Variants in KCND2 observed in about 807,000 individuals in gnomAD.
KCND2 encodes the protein A-type voltage-gated potassium channel KCND2.
KCND2 carries 16 observed loss-of-function variants against 54.4 expected under a neutral mutation model. The ratio of observed to expected loss-of-function variants is 0.29; its 90% CI spans 0.20 to 0.45. The LOEUF (loss-of-function observed/expected upper bound fraction) is 0.45, where lower values mean the gene tolerates loss of function less well. Ranked by LOEUF, KCND2 falls within the 20% of genes least tolerant of loss-of-function variation. KCND2 has a pLI of 1.00. For synonymous variants in KCND2, 317 were observed against 310.7 expected, an observed-to-expected ratio of 1.02 and a Z score of -0.21; for missense variants, 486 against 824.2, an observed-to-expected ratio of 0.59 and a Z score of 5.02.
chr7:120,480,441 A>G (rs1395398837), intron 1 of KCND2, among the ~76,000 whole-genome samples: 3 of 152,208 alleles, frequency 2.0e-5, no homozygotes, highest in Non-Finnish European at 2.9e-5. Context: ...GATTTTTGAC[A>G]ATAGAGATCA....
chr7:120,625,459 T>C (rs1793153153), intron 1 of KCND2, among the ~76,000 whole-genome samples: 1 of 152,218 alleles, frequency 6.6e-6, no homozygotes, highest in Non-Finnish European at 1.5e-5. Flanking sequence ...GTTTCATACA[T>C]ATGTTGCGGT....
intron 1 of KCND2, among the ~76,000 whole-genome samples, chr7:120,342,216 A>T (rs979682538): frequency 1.3e-5 from 2 of 152,198 alleles, no homozygotes; most frequent in African/African-American, 4.8e-5. Flanking sequence ...TCTGCCATTT[A>T]TGAATTGAGT....
intron 1 of KCND2, among the ~76,000 whole-genome samples, chr7:120,351,362 GCATACACA>G (rs1563018521): frequency 2.4e-5 from 2 of 84,608 alleles, no homozygotes; most frequent in Non-Finnish European, 4.2e-5. Flanking sequence ...AAATCGAAGA[GCATACACA>G]CACACACACA....
intron 1 of KCND2, among the ~76,000 whole-genome samples, chr7:120,491,716 T>G (rs899824990): frequency 6.6e-6 from 1 of 152,150 alleles, no homozygotes. Context: ...GTCCAATTTC[T>G]TCATTTTTAT....
At chr7:120,387,466 G>A (rs1801007507) in intron 1 of KCND2, among the ~76,000 whole-genome samples, 5 of 151,828 alleles carry the variant, frequency 3.3e-5, no homozygotes. Flanking sequence ...TATATTTATT[G>A]CCTATATGTC....
At chr7:120,287,536 T>A (rs1799364137) in intron 1 of KCND2, among the ~76,000 whole-genome samples, 2 of 152,050 alleles carry the variant, frequency 1.3e-5, no homozygotes, top group African/African-American at 4.8e-5. Context: ...TATTTTGACT[T>A]CAGCTGGAAG....
At chr7:120,422,738 C>T (rs1348373936) in intron 1 of KCND2, among the ~76,000 whole-genome samples, 2 of 152,170 alleles carry the variant, frequency 1.3e-5, no homozygotes, top group Admixed American at 6.5e-5. Context: ...GTGGTTATTC[C>T]ACTGTCTGTG....
At chr7:120,290,969 A>G (rs891151024) in intron 1 of KCND2, among the ~76,000 whole-genome samples, 18 of 152,106 alleles carry the variant, frequency 1.2e-4, no homozygotes, top group Middle Eastern at 6.8e-3. Context: ...AAGTAGATTT[A>G]TTTGGCACTC....
chr7:120,529,979 G>A (rs1250860583), intron 1 of KCND2, among the ~76,000 whole-genome samples: 1 of 151,984 alleles, frequency 6.6e-6, no homozygotes, highest in Admixed American at 6.6e-5. Flanking sequence ...AGTGTGAGGT[G>A]AGAGAATCGC....
At chr7:120,673,817 G>A (rs1792023824) in intron 1 of KCND2, among the ~76,000 whole-genome samples, 1 of 151,990 alleles carries the variant, frequency 6.6e-6, no homozygotes, top group South Asian at 2.1e-4. Flanking sequence ...TATAGTCCAG[G>A]CATCCTGAAT....
In KCND2 at chr7:120,614,037, G is replaced by A. The variant is rs550168718; in HGVS notation, c.1116-118866G>A. Among the ~76,000 whole-genome samples the A allele has an allele frequency of 4.9e-3, 733 of 149,258 alleles. 8 individuals carry two copies. The highest frequency in any genetic ancestry group is 0.017 in the African/African-American group (693 of 40,504). On this transcript the variant is annotated intron_variant, in intron 1 of 5. Transcript: ENST00000331113. The stretch of plus-strand genomic sequence containing the variant: ...TTGGATTTTTTTTTTTTTTTTGATG[G>A]AGTTTTGCTCTGTCTTCCAGGCTAG...
intron 1 of KCND2, among the ~76,000 whole-genome samples, chr7:120,596,159 A>G (rs1466113894): frequency 6.6e-6 from 1 of 152,148 alleles, no homozygotes; most frequent in African/African-American, 2.4e-5. Flanking sequence ...GTATTTCTCA[A>G]AAATGTAGGT....
At chr7:120,413,008 C>G (rs1020580414) in intron 1 of KCND2, among the ~76,000 whole-genome samples, 10 of 152,016 alleles carry the variant, frequency 6.6e-5, no homozygotes, top group African/African-American at 2.2e-4. Context: ...TTGTTGAAAT[C>G]TTAACTAATG....
chr7:120,401,084 T>C (rs180717821), intron 1 of KCND2, among the ~76,000 whole-genome samples: 2 of 152,188 alleles, frequency 1.3e-5, no homozygotes, highest in African/African-American at 2.4e-5. Context: ...TTTGGTAATA[T>C]GGACAGATTA....
chr7:120,476,674 CT>C (rs897183581), intron 1 of KCND2, among the ~76,000 whole-genome samples: 2 of 152,020 alleles, frequency 1.3e-5, no homozygotes, highest in African/African-American at 4.8e-5. Flanking sequence ...GCAAATATTG[CT>C]TTTATCCATA....
chr7:120,733,175 C>T (rs1055078324), intron 2 of KCND2, 110 bp downstream of exon 2: 1 of 1,025,654 alleles, frequency 9.7e-7, no homozygotes, highest in Non-Finnish European at 1.5e-6. Flanking sequence ...GTAGTTGCAT[C>T]AATCAGGACC....
intron 1 of KCND2, among the ~76,000 whole-genome samples, chr7:120,606,111 C>G (rs950401560): frequency 5.3e-5 from 8 of 152,172 alleles, no homozygotes; most frequent in African/African-American, 1.9e-4. Context: ...TCCACCATGA[C>G]TTTGAGGCCT....
At chr7:120,690,599 A>G (rs770889554) in intron 1 of KCND2, among the ~76,000 whole-genome samples, 2 of 152,200 alleles carry the variant, frequency 1.3e-5, no homozygotes, top group Non-Finnish European at 2.9e-5. Flanking sequence ...GGACACTGGA[A>G]CAGATGGGTG....
In KCND2 at chr7:120,327,376, GTT is replaced by G. The variant is rs1584731986; in HGVS notation, c.1115+51633_1115+51634del. On this transcript the variant is annotated intron_variant, in intron 1 of 5. Transcript: ENST00000331113. The stretch of plus-strand genomic sequence containing the variant: ...CTAAATTCAGAATGTGTTTGTAAAT[GTT>G]TTTATCTCCACATTTATCTTAAACA... Among the ~76,000 whole-genome samples the G allele has an allele frequency of 2.0e-5, 3 of 152,190 alleles. No individual in the cohort carries two copies. The South Asian group carries it at 6.2e-4, about 32-fold the overall frequency.
Sources: gnomAD v4.1 joint callset for allele counts (sites outside exome capture counted in the v4.1 genomes callset) on GRCh38, gnomAD v4.1.1 for gene constraint, MANE v1.5 for transcripts, NCBI Gene and HGNC (gene_info 2026-07-23, HGNC 2026-07-21) for gene names.